The following TMEM108 variants were observed in gnomAD, a reference collection of about 807,000 sequenced individuals.
TMEM108 encodes the protein transmembrane protein 108, also known as cancer/testis antigen 124.
TMEM108 carries 12 observed loss-of-function variants against 35.1 expected under a neutral mutation model. That is an observed-to-expected ratio of 0.34 (90% CI 0.22 to 0.55). The LOEUF (loss-of-function observed/expected upper bound fraction) is 0.55, where lower values mean the gene tolerates loss of function less well. TMEM108 is among the 20% of genes least tolerant of loss of function. The pLI is 0.89. For synonymous variants in TMEM108, 287 were observed against 308.6 expected (o/e 0.93, Z 0.73); for missense variants, 680 against 753.3 (o/e 0.90, Z 1.14).
chr3:133,331,348 G>A (rs1414485437), intron 3 of TMEM108, among the ~76,000 whole-genome samples: 1 of 152,144 alleles, frequency 6.6e-6, no homozygotes, highest in Non-Finnish European at 1.5e-5. Context: ...ATATTCAAGG[G>A]TGAGTATATG....
At chr3:133,329,068 G>A (rs904783359) in intron 3 of TMEM108, among the ~76,000 whole-genome samples, 31 of 151,392 alleles carry the variant, frequency 2.0e-4, no homozygotes, top group Admixed American at 1.3e-3. Context: ...AACCATTTTC[G>A]GAATCTAGTG....
intron 3 of TMEM108, among the ~76,000 whole-genome samples, chr3:133,256,550 A>G (rs1946548922): frequency 6.6e-6 from 1 of 152,236 alleles, no homozygotes; most frequent in African/African-American, 2.4e-5. Flanking sequence ...GAAGAGAATC[A>G]AAGTCTTATA....
At chr3:133,236,658 T>C (rs925530111) in intron 3 of TMEM108, among the ~76,000 whole-genome samples, 33 of 152,120 alleles carry the variant, frequency 2.2e-4, no homozygotes, top group African/African-American at 7.7e-4. Flanking sequence ...AGAACTCTCT[T>C]TGGTGCCTTT....
At chr3:133,359,269 T>C (rs191027070) in intron 3 of TMEM108, among the ~76,000 whole-genome samples, 1 of 152,336 alleles carries the variant, frequency 6.6e-6, no homozygotes, top group African/African-American at 2.4e-5. Context: ...AACCCTGCTT[T>C]TTAATTCCAG....
At chr3:133,237,151 TTTC>T (rs1165439896) in intron 3 of TMEM108, among the ~76,000 whole-genome samples, 1 of 145,320 alleles carries the variant, frequency 6.9e-6, no homozygotes, top group African/African-American at 2.4e-5. Flanking sequence ...TGCTGGCTCA[TTTC>T]TTCTTCCTTT....
chr3:133,367,216 T>C (rs981441704), intron 3 of TMEM108, among the ~76,000 whole-genome samples: 7 of 152,202 alleles, frequency 4.6e-5, no homozygotes, highest in African/African-American at 1.4e-4. Context: ...TCTTAGACCA[T>C]AGTGTCATTC....
At chr3:133,199,859 C>A (rs181139220) in intron 2 of TMEM108, among the ~76,000 whole-genome samples, 1 of 152,294 alleles carries the variant, frequency 6.6e-6, no homozygotes, top group Admixed American at 6.5e-5. Context: ...TGCCTTGCCC[C>A]CAGAGGTGGA....
At chr3:133,336,697 T>C (rs1442321801) in intron 3 of TMEM108, among the ~76,000 whole-genome samples, 3 of 151,936 alleles carry the variant, frequency 2.0e-5, no homozygotes, top group Admixed American at 1.3e-4. Flanking sequence ...GTCTTTCATC[T>C]TGTGTACCAG....
chr3:133,108,709 C>T (rs956807633), intron 2 of TMEM108, among the ~76,000 whole-genome samples: 5 of 151,724 alleles, frequency 3.3e-5, no homozygotes, highest in Non-Finnish European at 7.4e-5. Flanking sequence ...AAACTGGAAA[C>T]CATCATTCTC....
At chr3:133,367,556 T>G (rs2072536529) in intron 3 of TMEM108, among the ~76,000 whole-genome samples, 1 of 152,270 alleles carries the variant, frequency 6.6e-6, no homozygotes, top group African/African-American at 2.4e-5. Context: ...CTGAGCTGTT[T>G]CGTTCCAGGC....
chr3:133,264,993 C>T (rs552249249), intron 3 of TMEM108, among the ~76,000 whole-genome samples: 5 of 152,152 alleles, frequency 3.3e-5, no homozygotes, highest in Admixed American at 1.3e-4. Flanking sequence ...AGCAGCAGTC[C>T]GGAGGTCAGG....
intron 3 of TMEM108, among the ~76,000 whole-genome samples, chr3:133,342,767 T>G (rs1036522175): frequency 8.0e-5 from 12 of 150,186 alleles, no homozygotes. Context: ...AGGGTGGAAG[T>G]AGGGAGAAGA....
chr3:133,070,741 A>ATCTATGTGTGTG (rs1553729571), intron 2 of TMEM108, among the ~76,000 whole-genome samples: 1 of 86,186 alleles, frequency 1.2e-5, no homozygotes. Flanking sequence ...GCTTTCTCTG[A>ATCTATGTGTGTG]TGTATGTGTG....
intron 3 of TMEM108, among the ~76,000 whole-genome samples, chr3:133,342,481 A>G (rs2107748804): frequency 6.8e-6 from 1 of 147,986 alleles, no homozygotes; most frequent in South Asian, 2.1e-4. Context: ...GTAATCCAAA[A>G]TATATACACC....
intron 3 of TMEM108, among the ~76,000 whole-genome samples, chr3:133,288,158 C>A (rs144689178): frequency 1.4e-4 from 21 of 152,342 alleles, no homozygotes; most frequent in Admixed American, 6.5e-4. Flanking sequence ...GTAGCTCCAC[C>A]TTCCTCACAA....
chr3:133,381,000 T>C lies in TMEM108; in HGVS notation c.1289T>C (p.Leu430Pro). The C allele has an allele frequency of 1.2e-6, 2 of 1,614,128 alleles. No homozygotes were observed. Among genetic ancestry groups the C allele is most frequent in the Non-Finnish European group, 1.7e-6 (2 of 1,180,000 alleles). The stretch of plus-strand genomic sequence containing the variant: ...GTATCCACAGCCACAGGCAATTTCC[T>C]CAACCGCCTGGTCCCCGCCGGGACC... The part of the protein sequence containing the change: ...TVVSTATGNF[L>P]NRLVPAGTWK... Residue 430 changes from leucine (L) to proline (P), a missense_variant, in exon 4 of 6, where the codon CTC becomes CCC. Leu to Pro is a moderately conservative substitution (Grantham distance 98, BLOSUM62 -3). This residue lies in a region of TMEM108 where 526 missense variants were observed against 532.1 expected (regional missense o/e 0.99). Transcript: ENST00000321871. The surrounding 1 kb of genome is among the most constrained non-coding windows in gnomAD (Gnocchi z 5.3).
chr3:133,197,078 G>A (rs1945589297), intron 2 of TMEM108, among the ~76,000 whole-genome samples: 1 of 152,126 alleles, frequency 6.6e-6, no homozygotes, highest in Non-Finnish European at 1.5e-5. Flanking sequence ...AAAGTAAGAT[G>A]ATGCAGGCAC....
chr3:133,252,995 C>T (rs1415945495), intron 3 of TMEM108, among the ~76,000 whole-genome samples: 1 of 152,172 alleles, frequency 6.6e-6, no homozygotes, highest in Non-Finnish European at 1.5e-5. Flanking sequence ...AGAAGGCCAA[C>T]TGTATTATGT....
intron 2 of TMEM108, among the ~76,000 whole-genome samples, chr3:133,181,152 A>T (rs1945338100): frequency 6.6e-6 from 1 of 152,032 alleles, no homozygotes; most frequent in East Asian, 1.9e-4. Flanking sequence ...GAAAGTCATC[A>T]TCAGCCTCGT....
Sources: gnomAD v4.1 joint callset for allele counts (sites outside exome capture counted in the v4.1 genomes callset) on GRCh38, gnomAD v4.1.1 for gene constraint, gnomAD v4.1.1 regional missense constraint, Gnocchi (gnomAD v3.1) non-coding constraint, MANE v1.5 for transcripts, NCBI Gene and HGNC (gene_info 2026-07-23, HGNC 2026-07-21) for gene names.